LRP1B: variants seen among roughly 807,000 people sequenced by gnomAD.
LRP1B encodes the protein LDL receptor related protein 1B.
Under a neutral mutation model 556.6 loss-of-function variants are expected in LRP1B, and 217 were observed. That is an observed-to-expected ratio of 0.39 (90% CI 0.35 to 0.44). The LOEUF (loss-of-function observed/expected upper bound fraction) is 0.44, where lower values mean the gene tolerates loss of function less well. Among genes scored for constraint, LRP1B ranks in the 20% least tolerant of loss-of-function variants. The probability of loss-of-function intolerance (pLI) is 1.00; values close to 1 mark genes in which losing one functional copy is unlikely to be tolerated. For synonymous variants in LRP1B, 2,047 were observed against 1,865.8 expected (o/e 1.10, Z -2.50); for missense variants, 5,053 against 5,620.8 (o/e 0.90, Z 3.23).
intron 7 of LRP1B, among the ~76,000 whole-genome samples, chr2:141,068,916 T>C (rs1010993457): frequency 1.3e-5 from 2 of 152,048 alleles, no homozygotes; most frequent in Non-Finnish European, 2.9e-5. Flanking sequence ...TCATAACCCA[T>C]TTTGGCACTG....
chr2:141,286,304 AC>A (rs934993659), intron 3 of LRP1B, among the ~76,000 whole-genome samples: 288 of 151,678 alleles, frequency 1.9e-3, no homozygotes, highest in African/African-American at 6.2e-3. Context: ...CCTAAGCTAA[AC>A]TTTTTTTTAT....
In LRP1B at chr2:141,055,300, AAAGAT is replaced by A. The variant is rs138402714; in HGVS notation, c.1409-46_1409-42del. 3.0e-3 allele frequency: 4,834 copies of A among 1,590,380 alleles called. 131 individuals carry two copies. In the African/African-American group the frequency reaches 0.055, roughly 18 times the overall value. Reference sequence around the variant, plus strand: ...AACAGCATGCGTGAAATTCAAGTTCAAAGATAAGATAACTATGTGCATCAGTATGT... The same window carrying A: ...AACAGCATGCGTGAAATTCAAGTTCAAAGATAACTATGTGCATCAGTATGT... On this transcript the variant is annotated intron_variant, in intron 9 of 90. Transcript: ENST00000389484.
chr2:140,292,442 C>T (rs1371824785), intron 84 of LRP1B, among the ~76,000 whole-genome samples: 6 of 152,054 alleles, frequency 3.9e-5, no homozygotes, highest in African/African-American at 1.4e-4. Context: ...ATGCTGTTCC[C>T]TCTTTGCATA....
At chr2:140,529,005 C>T (rs576333632) in intron 47 of LRP1B, among the ~76,000 whole-genome samples, 2 of 151,996 alleles carry the variant, frequency 1.3e-5, no homozygotes, top group South Asian at 4.2e-4. Flanking sequence ...TTTCCTCGGG[C>T]TAAGAGTCCT....
At chr2:140,724,746 T>G (rs1473395869) in intron 35 of LRP1B, among the ~76,000 whole-genome samples, 2 of 152,140 alleles carry the variant, frequency 1.3e-5, no homozygotes, top group African/African-American at 4.8e-5. Context: ...CTGTAGGAAG[T>G]CAATATAAAG....
intron 35 of LRP1B, among the ~76,000 whole-genome samples, chr2:140,759,262 A>C (rs1316498249): frequency 6.6e-6 from 1 of 152,170 alleles, no homozygotes; most frequent in Non-Finnish European, 1.5e-5. Context: ...AGATCCAGAG[A>C]GATCACTATT....
chr2:142,033,476 T>C (rs1703773705), intron 1 of LRP1B, among the ~76,000 whole-genome samples: 2 of 151,718 alleles, frequency 1.3e-5, no homozygotes, highest in African/African-American at 2.4e-5. Context: ...TCCTGGAATC[T>C]ATTCCTGACT....
intron 1 of LRP1B, among the ~76,000 whole-genome samples, chr2:142,107,794 ATTTTTTTT>A (rs67962280): frequency 7.2e-5 from 8 of 110,564 alleles, no homozygotes; most frequent in African/African-American, 2.0e-4. Context: ...CGCCTAGCTA[ATTTTTTTT>A]TTTTTTTTTT....
chr2:140,813,157 A>G (rs890391150), intron 32 of LRP1B, among the ~76,000 whole-genome samples: 1 of 152,182 alleles, frequency 6.6e-6, no homozygotes, highest in Non-Finnish European at 1.5e-5. Flanking sequence ...AAGAATGGAA[A>G]TAACACTCAA....
intron 3 of LRP1B, among the ~76,000 whole-genome samples, chr2:141,462,542 A>AT (rs1198342290): frequency 7.9e-5 from 12 of 152,178 alleles, no homozygotes; most frequent in African/African-American, 2.9e-4. Context: ...TACCTAATGC[A>AT]TAAAGAGCTT....
chr2:140,361,889 G>T (rs374905780), intron 72 of LRP1B, among the ~76,000 whole-genome samples: 1 of 151,494 alleles, frequency 6.6e-6, no homozygotes, highest in Admixed American at 6.6e-5. Flanking sequence ...CTACTCGAAT[G>T]TCTCCTCAAA....
chr2:142,039,091 C>T (rs1703980715), intron 1 of LRP1B, among the ~76,000 whole-genome samples: 1 of 151,520 alleles, frequency 6.6e-6, no homozygotes, highest in Admixed American at 6.6e-5. Flanking sequence ...CTGACACAGC[C>T]ACATTTTCTC....
At position 140,495,709 on chromosome 2, in the gene LRP1B, T is replaced by C. The variant is rs751302180; in HGVS notation, c.8890A>G (p.Lys2964Glu). The C allele has an allele frequency of 1.4e-5, 23 of 1,611,724 alleles. No homozygotes were observed. Among genetic ancestry groups the C allele is most frequent in the Non-Finnish European group, 1.9e-5 (22 of 1,177,976 alleles). ...CATTCATCAATGTCTACACATGTTTTGCCGTCATCCTTCAGTTGGAATCCA... is the reference window on the plus strand; with the variant it reads ...CATTCATCAATGTCTACACATGTTTCGCCGTCATCCTTCAGTTGGAATCCA... ...WPGFQLKDDG[K>E]TCVDIDECSS... The change falls in exon 56 of 91, where the codon AAA becomes GAA. Residue 2964 changes from lysine to glutamate, a missense_variant. By Grantham distance (56) the Lys-to-Glu change is moderately conservative (BLOSUM62 1). Around this residue, in one of 5 missense-constraint regions of LRP1B, gnomAD observed 3,619 missense variants for 3,931.9 expected, o/e 0.92. Transcript: ENST00000389484.
chr2:141,428,859 C>T (rs2104979764), intron 3 of LRP1B, among the ~76,000 whole-genome samples: 1 of 152,238 alleles, frequency 6.6e-6, no homozygotes, highest in African/African-American at 2.4e-5. Flanking sequence ...AAGTCTCTAC[C>T]CTCTTATAGA....
At chr2:140,347,072 C>T (rs1681723153) in intron 77 of LRP1B, among the ~76,000 whole-genome samples, 1 of 151,746 alleles carries the variant, frequency 6.6e-6, no homozygotes, top group Non-Finnish European at 1.5e-5. Flanking sequence ...AAGTTATTTG[C>T]ATTTTTCCAA....
At chr2:141,484,772 A>G (rs932629345) in intron 2 of LRP1B, among the ~76,000 whole-genome samples, 5 of 151,954 alleles carry the variant, frequency 3.3e-5, no homozygotes, top group East Asian at 1.9e-4. Flanking sequence ...TTTGTCTGTT[A>G]TTGGTGTATA....
intron 3 of LRP1B, among the ~76,000 whole-genome samples, chr2:141,450,610 T>C (rs1387381708): frequency 2.0e-5 from 3 of 151,324 alleles, no homozygotes; most frequent in Admixed American, 6.6e-5. Flanking sequence ...AGGAAGAACA[T>C]AAAAATGATT....
At chr2:140,268,214 T>C (rs1230721533) in intron 86 of LRP1B, among the ~76,000 whole-genome samples, 2 of 151,986 alleles carry the variant, frequency 1.3e-5, no homozygotes, top group Non-Finnish European at 2.9e-5. Flanking sequence ...ATACTAACTC[T>C]GAAATGTTAA....
At chr2:140,536,901 C>T (rs1230170712) in intron 45 of LRP1B, among the ~76,000 whole-genome samples, 192 bp from the exon 46 acceptor site, 1 of 151,284 alleles carries the variant, frequency 6.6e-6, no homozygotes. Context: ...TGGCCAGGCG[C>T]GGTGGCTCAC....
Sources: gnomAD v4.1 joint callset for allele counts (sites outside exome capture counted in the v4.1 genomes callset) on GRCh38, gnomAD v4.1.1 for gene constraint, gnomAD v4.1.1 regional missense constraint, MANE v1.5 for transcripts, NCBI Gene and HGNC (gene_info 2026-07-23, HGNC 2026-07-21) for gene names.